The following AGO3 variants were observed in gnomAD, a reference collection of about 807,000 sequenced individuals.
The protein encoded by AGO3 is protein argonaute-3.
In AGO3, 16 loss-of-function variants were observed where a neutral mutation model predicts 105.5. The ratio of observed to expected loss-of-function variants is 0.15; its 90% CI spans 0.10 to 0.23. The LOEUF (loss-of-function observed/expected upper bound fraction) is 0.23. AGO3 is among the 10% of genes least tolerant of loss of function. The pLI, the probability that AGO3 is intolerant of heterozygous loss-of-function variation, is 1.00. For synonymous variants in AGO3, 340 were observed against 367.3 expected, an observed-to-expected ratio of 0.93 and a Z score of 0.85; for missense variants, 534 against 1,088.0, an observed-to-expected ratio of 0.49 and a Z score of 7.16.
At chr1:35,980,502 G>C (rs1026594179) in intron 5 of AGO3, among the ~76,000 whole-genome samples, 1 of 152,110 alleles carries the variant, frequency 6.6e-6, no homozygotes, top group African/African-American at 2.4e-5. Context: ...AAATTTTTCT[G>C]GTCATTTGTT....
chr1:36,014,286 G>A (rs1294772972), intron 11 of AGO3, among the ~76,000 whole-genome samples: 2 of 151,882 alleles, frequency 1.3e-5, no homozygotes, highest in South Asian at 2.1e-4. Context: ...AGCCTCCCAA[G>A]TAGCTGGGAT....
chr1:35,991,809 A>G (rs544290375), intron 5 of AGO3, among the ~76,000 whole-genome samples: 18 of 151,930 alleles, frequency 1.2e-4, no homozygotes, highest in Non-Finnish European at 2.2e-4. Context: ...AGCATAATTT[A>G]TTTTGGAGTT....
chr1:36,015,629 G>A (rs570665619), intron 11 of AGO3, among the ~76,000 whole-genome samples: 7 of 152,252 alleles, frequency 4.6e-5, no homozygotes, highest in African/African-American at 1.4e-4. Context: ...AGTTTCTAAG[G>A]ATTTTAGGAG....
chr1:36,071,660 T>G lies in AGO3; in HGVS notation c.*15915T>G, dbSNP rs974537112. On this transcript the variant is annotated 3_prime_UTR_variant, in exon 19 of 19. Transcript: ENST00000373191. Reference sequence around the variant, plus strand: ...TTGGCTTTTCATAAGTAAGAAAAATTTATTGTAGTATTTCAAGACTGCAGA... The same window carrying G: ...TTGGCTTTTCATAAGTAAGAAAAATGTATTGTAGTATTTCAAGACTGCAGA... 1 of 152,146 alleles carries G rather than the reference T, an allele frequency of 6.6e-6. No homozygotes were observed. 9.4% of individuals were successfully genotyped at this position (152,146 alleles called of 1,614,324 possible).
At chr1:36,013,507 T>C (rs1219771323) in intron 9 of AGO3, 123 bp from the exon 10 acceptor site, 2 of 1,292,072 alleles carry the variant, frequency 1.5e-6, no homozygotes, top group Non-Finnish European at 2.1e-6. Context: ...TAGAGCACCA[T>C]TGATTAGACC....
rs1368111344 is a variant in AGO3 at position 36,058,370 on chromosome 1, T to G, written c.*2625T>G. The G allele has an allele frequency of 6.6e-6, 1 of 152,172 alleles. No homozygotes were observed. The highest frequency in any genetic ancestry group is 1.5e-5 in the Non-Finnish European group (1 of 68,026). The allele number at this position is 152,172 out of a possible 1,614,324, so 9.4% of individuals were successfully genotyped here. Reference sequence around the variant, plus strand: ...AAAAGTACTATAAAGCTATCAAAACTGAGTTTATCAGTAACATTGGATTCA... The same window carrying G: ...AAAAGTACTATAAAGCTATCAAAACGGAGTTTATCAGTAACATTGGATTCA... On this transcript the variant is annotated 3_prime_UTR_variant, in exon 19 of 19. Coordinates refer to ENST00000373191, the MANE Select transcript of AGO3 (RefSeq NM_024852.4).
At position 36,009,481 on chromosome 1, in the gene AGO3, A is replaced by G. The variant is rs2148814580; in HGVS notation, c.1036A>G (p.Asn346Asp). ...KHTYLPLEVC[N>D]IVAGQRCIKK... ...AACTTTTTTCCATTTGTAGGTCTGT[A>G]ATATTGTGGCAGGGCAACGATGTAT... Residue 346 changes from asparagine to aspartate, a missense_variant, in exon 9 of 19, where the codon AAT becomes GAT. Physicochemically the swap from Asn to Asp is conservative, Grantham distance 23 (BLOSUM62 1). Transcript: ENST00000373191. The G allele has an allele frequency of 1.2e-6, 2 of 1,612,802 alleles. No individual in the cohort carries two copies. The highest frequency in any genetic ancestry group is 8.5e-7 in the Non-Finnish European group (1 of 1,179,504).
chr1:36,038,200 G>A (rs2148847274), intron 14 of AGO3, among the ~76,000 whole-genome samples: 1 of 151,850 alleles, frequency 6.6e-6, no homozygotes, highest in African/African-American at 2.4e-5. Flanking sequence ...AGGCTATGAG[G>A]CTAGGAAGCC....
Position 36,016,448 on chromosome 1 carries a change from C to T in AGO3, c.1406+2400C>T, listed in dbSNP as rs547304177. On this transcript the variant is annotated intron_variant, in intron 11 of 18. Transcript: ENST00000373191. ...CTGCCTGCCTCAGCTTCCCAAAGTGCTGGGATTACAGGCGTGAGCCACTGC... is the reference window on the plus strand; with the variant it reads ...CTGCCTGCCTCAGCTTCCCAAAGTGTTGGGATTACAGGCGTGAGCCACTGC... Among the ~76,000 whole-genome samples, 120 of 152,312 alleles carry T rather than the reference C, an allele frequency of 7.9e-4. 1 individual carries two copies. The highest frequency in any genetic ancestry group is 2.8e-3 in the African/African-American group (118 of 41,564).
chr1:36,052,746 T>C (rs926918801), intron 17 of AGO3, among the ~76,000 whole-genome samples: 2 of 152,148 alleles, frequency 1.3e-5, no homozygotes, highest in African/African-American at 4.8e-5. Context: ...TATATCAGGC[T>C]CAGGCCTGTA....
At chr1:35,949,603 TAAAAC>T (rs1045850880) in intron 2 of AGO3, among the ~76,000 whole-genome samples, 6 of 152,196 alleles carry the variant, frequency 3.9e-5, no homozygotes, top group African/African-American at 7.2e-5. Flanking sequence ...TTCAAAATAT[TAAAAC>T]AAAACAAATT....
intron 16 of AGO3, among the ~76,000 whole-genome samples, chr1:36,041,586 T>C (rs1569910768): frequency 1.3e-5 from 2 of 152,292 alleles, no homozygotes; most frequent in East Asian, 3.9e-4. Context: ...GCAGTCTTAC[T>C]GTCATTTTCA....
intron 5 of AGO3, among the ~76,000 whole-genome samples, chr1:35,999,099 T>G (rs1160084084): frequency 6.6e-6 from 1 of 152,164 alleles, no homozygotes; most frequent in African/African-American, 2.4e-5. Flanking sequence ...ATGCCTGTAA[T>G]CCCAGCACTT....
chr1:35,972,377 T>C (rs1485919630), intron 4 of AGO3, 145 bp downstream of exon 4: 5 of 965,782 alleles, frequency 5.2e-6, no homozygotes, highest in Non-Finnish European at 6.1e-6. Context: ...TACAAATTCA[T>C]TGACAGGAGT....
chr1:35,985,065 G>C (rs1481682892), intron 5 of AGO3, among the ~76,000 whole-genome samples: 1 of 152,130 alleles, frequency 6.6e-6, no homozygotes, highest in Non-Finnish European at 1.5e-5. Flanking sequence ...GCCAAGGTGG[G>C]AGGATTGCTT....
At chr1:35,943,964 C>A (rs575896475) in intron 1 of AGO3, among the ~76,000 whole-genome samples, 1 of 152,120 alleles carries the variant, frequency 6.6e-6, no homozygotes, top group Admixed American at 6.6e-5. Context: ...GTCAGAATTT[C>A]TTTTTTAAGG....
chr1:35,947,677 A>G (rs1303272590), intron 2 of AGO3, among the ~76,000 whole-genome samples: 2 of 152,090 alleles, frequency 1.3e-5, no homozygotes, highest in Admixed American at 6.6e-5. Flanking sequence ...TGGGTTTTTC[A>G]GTGCCGTACT....
In AGO3 at chr1:35,973,484, A is replaced by G. The variant is rs776275393; in HGVS notation, c.631A>G (p.Met211Val). 1.3e-6 allele frequency: 2 copies of G among 1,584,734 alleles called. No homozygotes were observed. Among genetic ancestry groups the G allele is most frequent in the East Asian group, 2.3e-5 (1 of 44,138 alleles). Residue 211 changes from methionine (M) to valine (V), a missense_variant, in exon 5 of 19, where the codon ATG (methionine) becomes GTG (valine). Transcript: ENST00000373191. Reference sequence around the variant, plus strand: ...ATTCCATCAGTCTGTTCGGCCTGCCATGTGGAAAATGATGCTTAATATCGA... The same window carrying G: ...ATTCCATCAGTCTGTTCGGCCTGCCGTGTGGAAAATGATGCTTAATATCGA... ...FGFHQSVRPAMWKMMLNIDVS... is the reference protein window; with the variant it reads ...FGFHQSVRPAVWKMMLNIDVS...
Position 36,066,625 on chromosome 1 carries a change from CA to C in AGO3, c.*10881del, listed in dbSNP as rs1261055940. 7 of 152,144 alleles carry C rather than the reference CA, an allele frequency of 4.6e-5. No individual in the cohort carries two copies. The highest frequency in any genetic ancestry group is 8.8e-5 in the Non-Finnish European group (6 of 68,038). 9.4% of individuals were successfully genotyped at this position (152,144 alleles called of 1,614,324 possible). A position where few individuals can be genotyped will look rare whatever the true frequency, so the allele number is the denominator to read the frequency against. On this transcript the variant is annotated 3_prime_UTR_variant, in exon 19 of 19. Transcript: ENST00000373191. ...TCATCTTTATTTCATGGCTTTATTT[CA>C]TCTTTATTTCATTTTTGGTTGGGAA...
Sources: gnomAD v4.1 joint callset for allele counts (sites outside exome capture counted in the v4.1 genomes callset) on GRCh38, gnomAD v4.1.1 for gene constraint, MANE v1.5 for transcripts, NCBI Gene and HGNC (gene_info 2026-07-23, HGNC 2026-07-21) for gene names.